The following ADGRB3 variants were observed in gnomAD, a reference collection of about 807,000 sequenced individuals.
ADGRB3 encodes the protein brain-specific angiogenesis inhibitor 3.
ADGRB3 carries 37 observed loss-of-function variants against 193.4 expected under a neutral mutation model. That is an observed-to-expected ratio of 0.19 (90% CI 0.15 to 0.25). The LOEUF is 0.25. Among genes scored for constraint, ADGRB3 ranks in the 10% least tolerant of loss-of-function variants. The pLI is 1.00. For synonymous variants in ADGRB3, 690 were observed against 644.2 expected, an observed-to-expected ratio of 1.07 and a Z score of -1.08; for missense variants, 1,637 against 1,852.9, an observed-to-expected ratio of 0.88 and a Z score of 2.14.
In ADGRB3 at chr6:69,389,314, A is replaced by G. The variant is rs1770141996; in HGVS notation, c.*423A>G. On this transcript the variant is annotated 3_prime_UTR_variant, in exon 32 of 32. Coordinates refer to ENST00000370598, the MANE Select transcript of ADGRB3 (RefSeq NM_001704.3). ...TATAAAAGCAAAGTTTTTGTCATTA[A>G]ATGAATGTTTGTTGAGCTACATTCT... 1 of 153,574 alleles carries G rather than the reference A, an allele frequency of 6.5e-6. No homozygotes were observed. The highest frequency in any genetic ancestry group is 2.0e-4 in the South Asian group (1 of 4,882). The allele number at this position is 153,574 out of a possible 1,614,324, so 9.5% of individuals were successfully genotyped here.
chr6:69,144,523 C>T (rs1214240569), intron 17 of ADGRB3, among the ~76,000 whole-genome samples: 1 of 152,136 alleles, frequency 6.6e-6, no homozygotes, highest in African/African-American at 2.4e-5. Context: ...TTTCCCCATT[C>T]AGTATGATCC....
rs144413663 is a variant in ADGRB3, at chr6:69,050,479, G to A, written c.2333+1133G>A. On this transcript the variant is annotated intron_variant, in intron 15 of 31. Transcript: ENST00000370598. ...TTGTGTTTTGCTAAGAAAAAAGTTT[G>A]AAAACAAAAAAGTCTACTCTCAGCT... Among the ~76,000 whole-genome samples the A allele has an allele frequency of 4.3e-3, 661 of 152,070 alleles. 7 individuals are homozygous for A. The highest frequency in any genetic ancestry group is 0.015 in the African/African-American group (643 of 41,542).
At chr6:68,773,641 G>T (rs1036149375) in intron 3 of ADGRB3, among the ~76,000 whole-genome samples, 1 of 152,110 alleles carries the variant, frequency 6.6e-6, no homozygotes, top group African/African-American at 2.4e-5. Context: ...AACTAAACAG[G>T]TAGTTACAAA....
At chr6:69,355,721 C>T in intron 27 of ADGRB3, 100 bp from the exon 28 acceptor site, 1 of 957,464 alleles carries the variant, frequency 1.0e-6, no homozygotes, top group Admixed American at 2.1e-5. Flanking sequence ...ACTTGTACTG[C>T]CAAGTTAGAT....
chr6:68,697,978 A>G (rs1210581046), intron 3 of ADGRB3, among the ~76,000 whole-genome samples: 1 of 151,654 alleles, frequency 6.6e-6, no homozygotes, highest in African/African-American at 2.4e-5. Context: ...TCAAATGGAC[A>G]TATAGAGAGG....
chr6:68,803,144 C>T lies in ADGRB3; in HGVS notation c.758-127415C>T, dbSNP rs750641362. 3.3e-4 allele frequency among the ~76,000 whole-genome samples: 50 copies of T among 152,098 alleles called. 1 individual carries two copies. Among genetic ancestry groups the T allele is most frequent in the Admixed American group, 3.9e-4 (6 of 15,264 alleles). On this transcript the variant is annotated intron_variant, in intron 3 of 31. Coordinates refer to ENST00000370598, the MANE Select transcript of ADGRB3 (RefSeq NM_001704.3). ...CCTTTCTTTAAGTTTATTTATCTTA[C>T]TGGATTGCCCTTCTAATCCTTCTCT...
chr6:69,082,085 G>T (rs1772402831), intron 17 of ADGRB3, among the ~76,000 whole-genome samples: 1 of 151,858 alleles, frequency 6.6e-6, no homozygotes, highest in Non-Finnish European at 1.5e-5. Flanking sequence ...TTTATGTATT[G>T]TCTATTGCTT....
intron 20 of ADGRB3, among the ~76,000 whole-genome samples, chr6:69,282,022 A>G (rs565148402): frequency 6.6e-6 from 1 of 152,080 alleles, no homozygotes; most frequent in African/African-American, 2.4e-5. Flanking sequence ...CATAAAGATA[A>G]AAGTCTGGCT....
Position 68,638,773 on chromosome 6 carries a change from T to C in ADGRB3, c.98T>C (p.Leu33Ser). The C allele has an allele frequency of 6.2e-7, 1 of 1,614,172 alleles. No homozygotes were observed. Among genetic ancestry groups the C allele is most frequent in the Non-Finnish European group, 8.5e-7 (1 of 1,180,018 alleles). ...NAAQDFWCST[L>S]VKGVIYGSYS... is the part of the protein sequence containing the mutation. Reference sequence around the variant, plus strand: ...GCCCAAGACTTCTGGTGTTCAACTTTGGTGAAGGGAGTCATTTATGGATCG... The same window carrying C: ...GCCCAAGACTTCTGGTGTTCAACTTCGGTGAAGGGAGTCATTTATGGATCG... Residue 33 changes from leucine to serine, a missense_variant, in exon 3 of 32, where the codon TTG becomes TCG. This residue lies in a region of ADGRB3 where 365 missense variants were observed against 409.8 expected (regional missense o/e 0.89). Transcript: ENST00000370598.
At chr6:68,783,310 C>CATACATATATATAATATATATATAAT (rs1766896451) in intron 3 of ADGRB3, among the ~76,000 whole-genome samples, 1 of 140,082 alleles carries the variant, frequency 7.1e-6, no homozygotes, top group Non-Finnish European at 1.6e-5. Flanking sequence ...ATATATATAA[C>CATACATATATATAATATATATATAAT]ATACATATAT....
chr6:68,792,755 C>A (rs1215382065), intron 3 of ADGRB3, among the ~76,000 whole-genome samples: 1 of 152,094 alleles, frequency 6.6e-6, no homozygotes, highest in East Asian at 1.9e-4. Context: ...AACAAGGATA[C>A]CCTGGTGATA....
intron 17 of ADGRB3, among the ~76,000 whole-genome samples, chr6:69,104,027 T>C (rs562057513): frequency 1.3e-5 from 2 of 152,230 alleles, no homozygotes; most frequent in Non-Finnish European, 2.9e-5. Flanking sequence ...CATTAAACTT[T>C]AGTTTTTAAT....
intron 18 of ADGRB3, 52 bp downstream of exon 18, chr6:69,233,468 G>A: frequency 1.2e-6 from 2 of 1,607,502 alleles, no homozygotes; most frequent in Non-Finnish European, 1.7e-6. Flanking sequence ...GGATATTGTG[G>A]CTAGTGTTTC....
At chr6:69,253,913 A>G (rs932421575) in intron 20 of ADGRB3, among the ~76,000 whole-genome samples, 2 of 152,082 alleles carry the variant, frequency 1.3e-5, no homozygotes, top group African/African-American at 4.8e-5. Flanking sequence ...TTCTTTAGGC[A>G]TATAGAAGGG....
intron 6 of ADGRB3, among the ~76,000 whole-genome samples, chr6:68,951,361 A>T (rs930971052): frequency 6.6e-6 from 1 of 152,030 alleles, no homozygotes; most frequent in African/African-American, 2.4e-5. Context: ...GTCTCCTGAG[A>T]CTGCCTGAGC....
At position 68,650,060 on chromosome 6, in the gene ADGRB3, A is replaced by T. The variant is rs528077875; in HGVS notation, c.757+10628A>T. Among the ~76,000 whole-genome samples, 4 of 152,270 alleles carry T rather than the reference A, an allele frequency of 2.6e-5. No homozygotes were observed. In the East Asian group the frequency reaches 5.8e-4, roughly 22 times the overall value. On this transcript the variant is annotated intron_variant, in intron 3 of 31. Coordinates refer to ENST00000370598, the MANE Select transcript of ADGRB3 (RefSeq NM_001704.3). ...CAACAGGTTTCTTACTGGGACCCTG[A>T]CTAACACCAAGGTGTATAGTTGAGT...
intron 12 of ADGRB3, among the ~76,000 whole-genome samples, chr6:69,015,356 A>T (rs1422437065): frequency 6.6e-6 from 1 of 151,964 alleles, no homozygotes; most frequent in African/African-American, 2.4e-5. Context: ...TAATCCATCT[A>T]TTTCCTTGAG....
At chr6:69,111,762 C>T (rs1479885658) in intron 17 of ADGRB3, among the ~76,000 whole-genome samples, 1 of 152,032 alleles carries the variant, frequency 6.6e-6, no homozygotes, top group Non-Finnish European at 1.5e-5. Flanking sequence ...ATTGTTTCAC[C>T]TTAGACTTGT....
intron 17 of ADGRB3, among the ~76,000 whole-genome samples, chr6:69,229,849 G>C (rs1404889903): frequency 6.6e-6 from 1 of 152,140 alleles, no homozygotes; most frequent in East Asian, 1.9e-4. Flanking sequence ...TAGACTCCTA[G>C]GAAACCGGGG....
Sources: gnomAD v4.1 joint callset for allele counts (sites outside exome capture counted in the v4.1 genomes callset) on GRCh38, gnomAD v4.1.1 for gene constraint, gnomAD v4.1.1 regional missense constraint, MANE v1.5 for transcripts, NCBI Gene and HGNC (gene_info 2026-07-23, HGNC 2026-07-21) for gene names.